FOCAD: variants seen among roughly 807,000 people sequenced by gnomAD.
FOCAD encodes the protein KIAA1797.
A neutral mutation model predicts 225.6 loss-of-function variants in FOCAD; 198 were observed. The observed-to-expected ratio is 0.88, with a 90% CI of 0.78 to 0.99. The LOEUF (loss-of-function observed/expected upper bound fraction) is 0.99, where lower values mean the gene tolerates loss of function less well. FOCAD is among the 50% of genes least tolerant of loss of function. FOCAD has a pLI of 0.00. For missense variants in FOCAD, 2,713 were observed against 2,123.6 expected, an observed-to-expected ratio of 1.28 and a Z score of -5.46; for synonymous variants, 897 against 755.0, an observed-to-expected ratio of 1.19 and a Z score of -3.08.
At chr9:20,767,905 C>T (rs1399914522) in intron 7 of FOCAD, among the ~76,000 whole-genome samples, 1 of 152,096 alleles carries the variant, frequency 6.6e-6, no homozygotes, top group Non-Finnish European at 1.5e-5. Flanking sequence ...TTGCCCATGC[C>T]TATGTCCTGA....
At chr9:20,937,682 G>A (rs1385307340) in intron 28 of FOCAD, among the ~76,000 whole-genome samples, 1 of 152,148 alleles carries the variant, frequency 6.6e-6, no homozygotes, top group Admixed American at 6.5e-5. Flanking sequence ...AGGACTGCAT[G>A]TCTAAAACAC....
At chr9:20,936,798 G>A (rs1836019826) in intron 28 of FOCAD, among the ~76,000 whole-genome samples, 1 of 152,200 alleles carries the variant, frequency 6.6e-6, no homozygotes, top group South Asian at 2.1e-4. Context: ...GTCCCTGTTT[G>A]TAGATGGCAT....
At chr9:20,690,374 G>C (rs1485472304) in intron 1 of FOCAD, among the ~76,000 whole-genome samples, 7 of 152,216 alleles carry the variant, frequency 4.6e-5, no homozygotes, top group African/African-American at 1.4e-4. Flanking sequence ...CCCCATTCCT[G>C]CTTAAGCCAC....
At chr9:20,733,168 A>G (rs1826856122) in intron 4 of FOCAD, among the ~76,000 whole-genome samples, 1 of 152,112 alleles carries the variant, frequency 6.6e-6, no homozygotes, top group African/African-American at 2.4e-5. Flanking sequence ...CTGCTTATCT[A>G]AAGTCTAATT....
At chr9:20,749,823 C>T (rs556664837) in intron 5 of FOCAD, among the ~76,000 whole-genome samples, 1 of 152,228 alleles carries the variant, frequency 6.6e-6, no homozygotes, top group African/African-American at 2.4e-5. Flanking sequence ...ATAACTTTTG[C>T]TTTTTGATTT....
chr9:20,913,201 A>G (rs550936936), intron 23 of FOCAD, among the ~76,000 whole-genome samples: 1 of 150,942 alleles, frequency 6.6e-6, no homozygotes, highest in South Asian at 2.1e-4. Flanking sequence ...TTCTAAAACA[A>G]TGTGGAAACA....
At chr9:20,889,033 C>T (rs972108106) in intron 21 of FOCAD, among the ~76,000 whole-genome samples, 3 of 152,152 alleles carry the variant, frequency 2.0e-5, no homozygotes, top group African/African-American at 7.2e-5. Context: ...CAGTGGTTTT[C>T]AGTGTATCCA....
chr9:20,789,508 C>T lies in FOCAD; in HGVS notation c.1355C>T (p.Ala452Val). ...LPITAVIPAP[A>V]FLLLAHLLVE... ...ATTACTGCTGTGATCCCTGCGCCTGCCTTTCTTCTGCTGGCTCACCTCCTT... is the reference window on the plus strand; with the variant it reads ...ATTACTGCTGTGATCCCTGCGCCTGTCTTTCTTCTGCTGGCTCACCTCCTT... Residue 452 changes from alanine (A) to valine (V), a missense_variant, in exon 11 of 44, where the codon GCC (alanine) becomes GTC (valine). Transcript: ENST00000338382. 1.2e-6 allele frequency: 2 copies of T among 1,613,976 alleles called. No homozygotes were observed. Among genetic ancestry groups the T allele is most frequent in the South Asian group, 1.1e-5 (1 of 91,074 alleles).
chr9:20,849,986 A>G (rs375949515), intron 15 of FOCAD, among the ~76,000 whole-genome samples: 1 of 151,874 alleles, frequency 6.6e-6, no homozygotes, highest in African/African-American at 2.4e-5. Context: ...TTGCTCTTCT[A>G]CTGAGACCAC....
chr9:20,948,809 G>A (rs778981581), intron 31 of FOCAD, 42 bp from the exon 32 acceptor site: 2 of 1,601,080 alleles, frequency 1.2e-6, no homozygotes, highest in Middle Eastern at 1.7e-4. Flanking sequence ...CTAAACCCAA[G>A]GACTGATTCC....
intron 4 of FOCAD, 56 bp downstream of exon 4, chr9:20,720,590 T>G (rs1481635080): frequency 3.8e-6 from 6 of 1,558,878 alleles, no homozygotes; most frequent in African/African-American, 1.4e-5. Context: ...GGAAAAAAAT[T>G]CACTAAATCA....
chr9:20,910,286 T>G (rs1452768907), intron 22 of FOCAD, among the ~76,000 whole-genome samples: 1 of 150,832 alleles, frequency 6.6e-6, no homozygotes, highest in African/African-American at 2.4e-5. Flanking sequence ...GAGGTTAAGG[T>G]CTCCAGCCTT....
intron 35 of FOCAD, among the ~76,000 whole-genome samples, chr9:20,966,044 A>G (rs1360304282): frequency 6.6e-6 from 1 of 152,074 alleles, no homozygotes; most frequent in Non-Finnish European, 1.5e-5. Flanking sequence ...TGGTGTATAT[A>G]TATATCTAGA....
intron 7 of FOCAD, 64 bp from the exon 8 acceptor site, chr9:20,769,968 G>A: frequency 4.2e-6 from 6 of 1,422,794 alleles, no homozygotes; most frequent in East Asian, 2.3e-5. Context: ...AGCTTTTTGT[G>A]TACTTTAAAA....
chr9:20,814,455 A>G (rs1356870537), intron 11 of FOCAD, among the ~76,000 whole-genome samples: 1 of 151,554 alleles, frequency 6.6e-6, no homozygotes, highest in Non-Finnish European at 1.5e-5. Flanking sequence ...TCCCAGGTTC[A>G]AGTGATTCTC....
chr9:20,830,147 C>G (rs1825340665), intron 15 of FOCAD, among the ~76,000 whole-genome samples: 1 of 151,988 alleles, frequency 6.6e-6, no homozygotes, highest in Non-Finnish European at 1.5e-5. Context: ...TTTGTGTTCA[C>G]TTTACCTTGT....
intron 4 of FOCAD, among the ~76,000 whole-genome samples, chr9:20,725,653 G>T (rs902719986): frequency 6.6e-5 from 10 of 152,194 alleles, no homozygotes; most frequent in African/African-American, 1.7e-4. Context: ...TTTGGAACAC[G>T]TATGGAAGCC....
chr9:20,701,798 G>A lies in FOCAD; in HGVS notation c.-32-13524G>A, dbSNP rs76606698. ...TAATCCTTTAATATGTAATGTTTGC[G>A]CATTAGACTTGATTACCTTTTTAGG... On this transcript the variant is annotated intron_variant, in intron 1 of 43. Transcript: ENST00000338382. 3.5e-3 allele frequency among the ~76,000 whole-genome samples: 529 copies of A among 152,256 alleles called. 9 individuals carry two copies. The East Asian group carries it at 0.057, about 16-fold the overall frequency.
chr9:20,943,264 CCTGA>C (rs1168853755), intron 28 of FOCAD, among the ~76,000 whole-genome samples: 2 of 152,158 alleles, frequency 1.3e-5, no homozygotes, highest in African/African-American at 4.8e-5. Flanking sequence ...AGCAGTTCTG[CCTGA>C]CTAATGATGG....
Sources: gnomAD v4.1 joint callset for allele counts (sites outside exome capture counted in the v4.1 genomes callset) on GRCh38, gnomAD v4.1.1 for gene constraint, MANE v1.5 for transcripts, NCBI Gene and HGNC (gene_info 2026-07-23, HGNC 2026-07-21) for gene names.